The following CFAP58 variants were observed in gnomAD, a reference collection of about 807,000 sequenced individuals.
CFAP58 encodes cilia- and flagella-associated protein 58.
Under a neutral mutation model 119.5 loss-of-function variants are expected in CFAP58, and 88 were observed. The observed-to-expected ratio is 0.74, with a 90% CI of 0.62 to 0.88. CFAP58 has a LOEUF of 0.88. Ranked by LOEUF, CFAP58 falls within the 40% of genes least tolerant of loss-of-function variation. The probability of loss-of-function intolerance (pLI) is 0.00; values close to 1 mark genes in which losing one functional copy is unlikely to be tolerated. For missense variants in CFAP58, 990 were observed against 1,021.2 expected (o/e 0.97, Z 0.42); for synonymous variants, 365 against 366.3 (o/e 1.00, Z 0.04).
At chr10:104,443,649 T>G (rs1297903160) in intron 15 of CFAP58, among the ~76,000 whole-genome samples, 3 of 152,254 alleles carry the variant, frequency 2.0e-5, no homozygotes, top group Non-Finnish European at 1.5e-5. Flanking sequence ...AACTACCTTC[T>G]GTTTTCAGCT....
chr10:104,401,004 G>A (rs1412327192), intron 13 of CFAP58, 101 bp downstream of exon 13: 2 of 790,018 alleles, frequency 2.5e-6, no homozygotes, highest in East Asian at 5.1e-5. Flanking sequence ...GGTCTTTATC[G>A]AGTTGTACAA....
the CFAP58 span, among the ~76,000 whole-genome samples, chr10:104,343,749 C>T: frequency 1.3e-5 from 2 of 152,190 alleles, no homozygotes; most frequent in Non-Finnish European, 1.5e-5. Context: ...GAAGAAAATG[C>T]TTATTTATTT....
At chr10:104,354,001 T>A (rs2014505430) in intron 1 of CFAP58, 95 bp downstream of exon 1, 7 of 1,474,412 alleles carry the variant, frequency 4.7e-6, no homozygotes, top group South Asian at 1.2e-5. Flanking sequence ...TTCCAATATT[T>A]CCCCCCATCA....
chr10:104,377,193 T>C (rs1291586894), intron 8 of CFAP58, among the ~76,000 whole-genome samples: 1 of 152,220 alleles, frequency 6.6e-6, no homozygotes, highest in Non-Finnish European at 1.5e-5. Context: ...CTATTTGGCA[T>C]CCTAAGCAGT....
chr10:104,400,149 T>C (rs2012236678), intron 12 of CFAP58, among the ~76,000 whole-genome samples: 1 of 150,444 alleles, frequency 6.6e-6, no homozygotes. Context: ...ATGATTGGAC[T>C]ATTATTATTA....
rs138973270 is a variant in CFAP58, at chr10:104,428,777, T to G, written c.2257-18921T>G. 4.3e-4 allele frequency among the ~76,000 whole-genome samples: 65 copies of G among 152,280 alleles called. 1 individual carries two copies. Among genetic ancestry groups the G allele is most frequent in the African/African-American group, 1.5e-3 (61 of 41,562 alleles). ...GAGGATGAAGGCTACCAGCTCTTCA[T>G]GTGAGATGGACAGGAAGGCGGAGAG... On this transcript the variant is annotated intron_variant, in intron 15 of 17. Transcript: ENST00000369704.
At chr10:104,383,753 A>AACACACACACACACACACACACACACAC (rs59181888) in intron 9 of CFAP58, among the ~76,000 whole-genome samples, 1 of 145,850 alleles carries the variant, frequency 6.9e-6, no homozygotes, top group Non-Finnish European at 1.5e-5. Context: ...TTTACTGTCC[A>AACACACACACACACACACACACACACAC]ACACACACAC....
intron 11 of CFAP58, among the ~76,000 whole-genome samples, chr10:104,394,018 G>A (rs1021062184): frequency 6.6e-6 from 1 of 152,112 alleles, no homozygotes; most frequent in Admixed American, 6.5e-5. Context: ...TACCTCTGCA[G>A]GTCTAAGAAC....
intron 1 of CFAP58, among the ~76,000 whole-genome samples, chr10:104,354,757 A>G (rs1317045934): frequency 6.6e-6 from 1 of 152,196 alleles, no homozygotes; most frequent in African/African-American, 2.4e-5. Context: ...TTCAAAAATT[A>G]CAAATAATTT....
chr10:104,394,630 A>G (rs2012115034), intron 11 of CFAP58, among the ~76,000 whole-genome samples: 1 of 152,246 alleles, frequency 6.6e-6, no homozygotes, highest in Non-Finnish European at 1.5e-5. Context: ...AAACTGTAAC[A>G]AAAGTGCATG....
intron 9 of CFAP58, among the ~76,000 whole-genome samples, chr10:104,390,561 A>G (rs1589918848): frequency 6.6e-6 from 1 of 152,208 alleles, no homozygotes; most frequent in East Asian, 1.9e-4. Flanking sequence ...GAGAGATTAA[A>G]GGAGCTAATA....
intron 8 of CFAP58, among the ~76,000 whole-genome samples, chr10:104,378,171 G>A (rs554293101): frequency 2.6e-5 from 4 of 152,250 alleles, no homozygotes; most frequent in African/African-American, 9.6e-5. Flanking sequence ...CAACTCTGCA[G>A]GTATGCAATG....
At chr10:104,387,909 A>G (rs1589918035) in intron 9 of CFAP58, among the ~76,000 whole-genome samples, 1 of 152,206 alleles carries the variant, frequency 6.6e-6, no homozygotes, top group Non-Finnish European at 1.5e-5. Context: ...TCATTTGCCT[A>G]TAACACTGTC....
intron 5 of CFAP58, among the ~76,000 whole-genome samples, chr10:104,368,114 G>T (rs2014775703): frequency 6.6e-6 from 1 of 152,242 alleles, no homozygotes; most frequent in African/African-American, 2.4e-5. Context: ...CATATGCGAA[G>T]CCTGCCAAAT....
At chr10:104,392,448 A>G (rs938081314) in intron 10 of CFAP58, 54 bp downstream of exon 10, 1 of 1,306,552 alleles carries the variant, frequency 7.7e-7, no homozygotes, top group African/African-American at 1.5e-5. Flanking sequence ...CCTGCATTTA[A>G]AACAGTTTCT....
chr10:104,420,313 A>G (rs1215121061), intron 15 of CFAP58, among the ~76,000 whole-genome samples: 1 of 152,158 alleles, frequency 6.6e-6, no homozygotes, highest in Non-Finnish European at 1.5e-5. Flanking sequence ...TACTGCAAGC[A>G]TTAGGAGTTT....
At chr10:104,448,273 C>G (rs1410210382) in intron 16 of CFAP58, among the ~76,000 whole-genome samples, 1 of 152,200 alleles carries the variant, frequency 6.6e-6, no homozygotes, top group Non-Finnish European at 1.5e-5. Context: ...ACTGCCCAGC[C>G]CTGAGGGCCT....
chr10:104,400,613 G>T, intron 12 of CFAP58, 67 bp from the exon 13 acceptor site: 1 of 1,274,998 alleles, frequency 7.8e-7, no homozygotes, highest in Non-Finnish European at 1.1e-6. Context: ...TGAATGAATG[G>T]TGCTGTCACA....
At chr10:104,430,027 G>T (rs1398885748) in intron 15 of CFAP58, among the ~76,000 whole-genome samples, 1 of 152,168 alleles carries the variant, frequency 6.6e-6, no homozygotes, top group Non-Finnish European at 1.5e-5. Context: ...GTGAGGGGTG[G>T]ATAGATGGGC....
Sources: gnomAD v4.1 joint callset for allele counts (sites outside exome capture counted in the v4.1 genomes callset) on GRCh38, gnomAD v4.1.1 for gene constraint, MANE v1.5 for transcripts, NCBI Gene and HGNC (gene_info 2026-07-23, HGNC 2026-07-21) for gene names.